HIPK3: variants seen among roughly 807,000 people sequenced by gnomAD.
HIPK3 encodes the protein homeodomain interacting protein kinase 3, also known as homeodomain-interacting protein kinase 3.
A neutral mutation model predicts 124.2 loss-of-function variants in HIPK3; 47 were observed. The ratio of observed to expected loss-of-function variants is 0.38; its 90% CI spans 0.30 to 0.48. The LOEUF (loss-of-function observed/expected upper bound fraction) is 0.48, where lower values mean the gene tolerates loss of function less well. HIPK3 is among the 20% of genes least tolerant of loss of function. The probability of loss-of-function intolerance (pLI) is 0.98; values close to 1 mark genes in which losing one functional copy is unlikely to be tolerated. For synonymous variants in HIPK3, 482 were observed against 515.2 expected, an observed-to-expected ratio of 0.94 and a Z score of 0.87; for missense variants, 1,286 against 1,454.3, an observed-to-expected ratio of 0.88 and a Z score of 1.88.
At chr11:33,328,768 T>C in intron 3 of HIPK3, 135 bp downstream of exon 3, 1 of 689,092 alleles carries the variant, frequency 1.5e-6, no homozygotes, top group South Asian at 2.7e-5. Context: ...TGGGATCTTG[T>C]AGAATTGATT....
At chr11:33,347,193 ATCTGTCAG>A in intron 8 of HIPK3, 92 bp from the exon 9 acceptor site, 1 of 1,186,324 alleles carries the variant, frequency 8.4e-7, no homozygotes, top group Non-Finnish European at 1.2e-6. Flanking sequence ...AAAAAAAAAA[ATCTGTCAG>A]AATCTAAGCA....
chr11:33,259,395 A>G lies in HIPK3; in HGVS notation c.-3+1506A>G, dbSNP rs545663938. ...GCAAGTGCAGTGCTAATTTTATACA[A>G]TGAGCAATGATAAGGTTTAGATAGG... On this transcript the variant is annotated intron_variant, in intron 1 of 16. Coordinates refer to ENST00000303296, the MANE Select transcript of HIPK3 (RefSeq NM_005734.5). 1.7e-3 allele frequency among the ~76,000 whole-genome samples: 261 copies of G among 152,348 alleles called. 1 individual carries two copies. Among genetic ancestry groups the G allele is most frequent in the Middle Eastern group, 3.4e-3 (1 of 294 alleles).
At chr11:33,319,562 AT>A (rs1852604242) in intron 2 of HIPK3, among the ~76,000 whole-genome samples, 1 of 151,980 alleles carries the variant, frequency 6.6e-6, no homozygotes, top group Non-Finnish European at 1.5e-5. Context: ...ATTTTTTTAA[AT>A]TTTGTAGTGA....
At chr11:33,311,451 A>T (rs2133943526) in intron 2 of HIPK3, among the ~76,000 whole-genome samples, 1 of 152,314 alleles carries the variant, frequency 6.6e-6, no homozygotes, top group South Asian at 2.1e-4. Flanking sequence ...AAGTGCCAGG[A>T]TTACAGGTTT....
intron 1 of HIPK3, among the ~76,000 whole-genome samples, chr11:33,260,627 A>G (rs1333412905): frequency 2.0e-5 from 3 of 152,200 alleles, no homozygotes; most frequent in Non-Finnish European, 4.4e-5. Flanking sequence ...GAATTGCACT[A>G]TTGGTGGTTA....
At chr11:33,284,177 C>T (rs1276692734) in intron 1 of HIPK3, among the ~76,000 whole-genome samples, 6 of 151,918 alleles carry the variant, frequency 3.9e-5, no homozygotes, top group Non-Finnish European at 8.8e-5. Context: ...AGTAGGAGAC[C>T]ACATAGTTAA....
At chr11:33,342,692 A>G (rs908235890) in intron 8 of HIPK3, among the ~76,000 whole-genome samples, 1 of 152,032 alleles carries the variant, frequency 6.6e-6, no homozygotes, top group Non-Finnish European at 1.5e-5. Context: ...GGAAGCTGGG[A>G]TTACAGGCAT....
intron 6 of HIPK3, among the ~76,000 whole-genome samples, chr11:33,340,266 G>A (rs1423825668): frequency 1.3e-5 from 2 of 152,132 alleles, no homozygotes; most frequent in Admixed American, 1.3e-4. Context: ...CGTAGAGATG[G>A]GGTTTCACCA....
intron 3 of HIPK3, among the ~76,000 whole-genome samples, chr11:33,333,256 A>G (rs1853042576): frequency 6.6e-6 from 1 of 152,198 alleles, no homozygotes; most frequent in Non-Finnish European, 1.5e-5. Flanking sequence ...AGGCGACACG[A>G]GAGGAATTAA....
At chr11:33,259,839 A>G (rs570475264) in intron 1 of HIPK3, among the ~76,000 whole-genome samples, 3 of 124,716 alleles carry the variant, frequency 2.4e-5, no homozygotes, top group East Asian at 5.5e-4. Flanking sequence ...AGAAAAAAGT[A>G]TTTGTGGAGA....
intron 1 of HIPK3, among the ~76,000 whole-genome samples, chr11:33,269,870 C>T (rs1478480234): frequency 6.6e-6 from 1 of 152,124 alleles, no homozygotes; most frequent in East Asian, 1.9e-4. Flanking sequence ...CCATATTTTT[C>T]CCTTACAGGT....
intron 2 of HIPK3, among the ~76,000 whole-genome samples, chr11:33,312,657 A>C (rs939261881): frequency 9.2e-5 from 14 of 152,194 alleles, no homozygotes; most frequent in Non-Finnish European, 1.6e-4. Flanking sequence ...TTGTGAGGAC[A>C]CTTTGTAGAG....
chr11:33,290,627 T>TAAAA (rs34107632), intron 2 of HIPK3, among the ~76,000 whole-genome samples: 1 of 144,464 alleles, frequency 6.9e-6, no homozygotes, highest in Non-Finnish European at 1.5e-5. Context: ...CCACTAGAGT[T>TAAAA]AAAAAAAAAA....
intron 2 of HIPK3, among the ~76,000 whole-genome samples, chr11:33,324,531 A>G (rs1852755642): frequency 1.3e-5 from 2 of 152,174 alleles, no homozygotes; most frequent in Non-Finnish European, 2.9e-5. Context: ...AAAGTGTGCC[A>G]CTCAGAATCC....
intron 1 of HIPK3, among the ~76,000 whole-genome samples, chr11:33,266,966 TG>T (rs1850982849): frequency 6.6e-6 from 1 of 152,172 alleles, no homozygotes; most frequent in South Asian, 2.1e-4. Flanking sequence ...TTTTTTCTTC[TG>T]GACCTGTACA....
Position 33,349,166 on chromosome 11 carries a change from T to C in HIPK3, c.2686T>C (p.Cys896Arg). The C allele has an allele frequency of 1.2e-6, 2 of 1,613,988 alleles. No individual in the cohort carries two copies. The highest frequency in any genetic ancestry group is 1.7e-6 in the Non-Finnish European group (2 of 1,179,864). ...SLRECKGSLDCEACQSTLNID... is the reference protein window; with the variant it reads ...SLRECKGSLDREACQSTLNID... The stretch of plus-strand genomic sequence containing the variant: ...CACTAGATGTAAAGGTAGTCTAGAT[T>C]GTGAAGCTTGCCAGAGCACTTTGAA... The change falls in exon 14 of 17, where the codon TGT (cysteine) becomes CGT (arginine). Residue 896 changes from cysteine (C) to arginine (R), a missense_variant. By Grantham distance (180) the Cys-to-Arg change is radical (BLOSUM62 -3). Around this residue, in one of 3 missense-constraint regions of HIPK3, gnomAD observed 810 missense variants for 864.9 expected, o/e 0.94. Coordinates refer to ENST00000303296, the MANE Select transcript of HIPK3 (RefSeq NM_005734.5).
At chr11:33,324,028 T>TA (rs1852739805) in intron 2 of HIPK3, among the ~76,000 whole-genome samples, 1 of 152,196 alleles carries the variant, frequency 6.6e-6, no homozygotes, top group South Asian at 2.1e-4. Flanking sequence ...GGATAAGAGT[T>TA]AAAGTAGAGG....
intron 2 of HIPK3, among the ~76,000 whole-genome samples, chr11:33,293,230 C>T (rs959521221): frequency 3.3e-5 from 5 of 151,998 alleles, no homozygotes; most frequent in Non-Finnish European, 7.4e-5. Flanking sequence ...ATCTACATAC[C>T]TTGAAATTCA....
chr11:33,314,511 C>T (rs762013676), intron 2 of HIPK3, among the ~76,000 whole-genome samples: 1 of 151,970 alleles, frequency 6.6e-6, no homozygotes, highest in African/African-American at 2.4e-5. Flanking sequence ...AAAAATTTAG[C>T]CAGCCATGGT....
Sources: allele counts gnomAD v4.1 joint callset (sites outside exome capture counted in the v4.1 genomes callset), GRCh38; gene constraint gnomAD v4.1.1; regional missense constraint gnomAD v4.1.1; transcripts MANE v1.5; gene names NCBI Gene and HGNC (gene_info 2026-07-23, HGNC 2026-07-21).